ANKRD17: variants seen among roughly 807,000 people sequenced by gnomAD.
ANKRD17 encodes ankyrin repeat domain-containing protein 17.
In ANKRD17, 19 loss-of-function variants were observed where a neutral mutation model predicts 229.7. The ratio of observed to expected loss-of-function variants is 0.08; its 90% CI spans 0.06 to 0.12. The LOEUF (loss-of-function observed/expected upper bound fraction) is 0.12, where lower values mean the gene tolerates loss of function less well. ANKRD17 is among the 10% of genes least tolerant of loss of function. ANKRD17 has a pLI of 1.00. For synonymous variants in ANKRD17, 1,112 were observed against 1,146.1 expected, an observed-to-expected ratio of 0.97 and a Z score of 0.60; for missense variants, 2,176 against 3,176.8, an observed-to-expected ratio of 0.68 and a Z score of 7.57.
At chr4:73,146,905 A>C in intron 9 of ANKRD17, 32 bp from the exon 10 acceptor site, 2 of 1,545,636 alleles carry the variant, frequency 1.3e-6, no homozygotes, top group African/African-American at 2.7e-5. Flanking sequence ...ACATAGACTT[A>C]ATAAAGGAGC....
chr4:73,091,322 T>G lies in ANKRD17; in HGVS notation c.6306A>C (p.Ser2102=), dbSNP rs143923093. 1.2e-6 allele frequency: 2 copies of G among 1,614,076 alleles called. No individual in the cohort carries two copies. The highest frequency in any genetic ancestry group is 2.7e-5 in the African/African-American group (2 of 74,946). The change falls in exon 29 of 34, where the codon TCA becomes TCC. Residue 2102 remains serine, a synonymous_variant. Coordinates refer to ENST00000358602, the MANE Select transcript of ANKRD17 (RefSeq NM_032217.5). ...PPNSSSSSGS[S]SAHSNQQQPP... ...GTTGTTGCTGATTAGAATGAGCTGA[T>G]GAACTCCCAGAAGAACTGCTGCTGT...
At position 73,155,645 on chromosome 4, in the gene ANKRD17, G is replaced by A. The variant is rs1461238642; in HGVS notation, c.986C>T (p.Ala329Val). 1 of 1,614,060 alleles carries A rather than the reference G, an allele frequency of 6.2e-7. No homozygotes were observed. Among genetic ancestry groups the A allele is most frequent in the Non-Finnish European group, 8.5e-7 (1 of 1,179,992 alleles). Reference sequence around the variant, plus strand: ...ATAGGCATGACCTGTTGAAGACTGTGCATTAACATCTGCTTTATGAGCTAG... The same window carrying A: ...ATAGGCATGACCTGTTGAAGACTGTACATTAACATCTGCTTTATGAGCTAG... ...LLLAHKADVN[A>V]QSSTGNTALT... Residue 329 changes from alanine to valine, a missense_variant, in exon 5 of 34, where the codon GCA becomes GTA. By Grantham distance (64) the Ala-to-Val change is moderately conservative (BLOSUM62 0). This residue lies in a region of ANKRD17 where 184 missense variants were observed against 357.8 expected (regional missense o/e 0.51). Transcript: ENST00000358602.
chr4:73,229,969 T>C (rs1742891160), intron 1 of ANKRD17, among the ~76,000 whole-genome samples: 1 of 152,106 alleles, frequency 6.6e-6, no homozygotes, highest in Non-Finnish European at 1.5e-5. Flanking sequence ...ATTAAAAAAA[T>C]CTAATGTACA....
At chr4:73,234,902 G>T (rs1743367386) in intron 1 of ANKRD17, among the ~76,000 whole-genome samples, 1 of 152,110 alleles carries the variant, frequency 6.6e-6, no homozygotes, top group South Asian at 2.1e-4. Context: ...TTACCCAACT[G>T]CCCACTACTA....
chr4:73,141,676 T>C (rs1729626416), intron 14 of ANKRD17, 65 bp downstream of exon 14: 2 of 1,448,832 alleles, frequency 1.4e-6, no homozygotes, highest in East Asian at 4.6e-5. Context: ...GAAATGTCTA[T>C]TTTTTGGTAA....
chr4:73,100,052 C>T (rs1469314041), intron 25 of ANKRD17, among the ~76,000 whole-genome samples: 1 of 152,174 alleles, frequency 6.6e-6, no homozygotes, highest in Non-Finnish European at 1.5e-5. Flanking sequence ...CTCCTCCCTG[C>T]CCCCCAAGGT....
At chr4:73,115,385 G>A (rs557751409) in intron 23 of ANKRD17, among the ~76,000 whole-genome samples, 43 of 152,244 alleles carry the variant, frequency 2.8e-4, no homozygotes, top group Non-Finnish European at 4.3e-4. Flanking sequence ...CCACCTTCCG[G>A]GTTCAAGCGA....
intron 6 of ANKRD17, among the ~76,000 whole-genome samples, chr4:73,152,414 T>G (rs1731116625): frequency 6.6e-6 from 1 of 152,086 alleles, no homozygotes. Context: ...TAGTGCTCAG[T>G]CTCAGCCTGA....
intron 1 of ANKRD17, among the ~76,000 whole-genome samples, chr4:73,196,000 GTTTC>G (rs932405239): frequency 1.4e-4 from 19 of 134,112 alleles, no homozygotes; most frequent in African/African-American, 4.1e-4. Flanking sequence ...GAAGAACCAT[GTTTC>G]TTTTTTTTTT....
intron 1 of ANKRD17, among the ~76,000 whole-genome samples, chr4:73,218,887 C>A (rs1741473417): frequency 6.6e-6 from 1 of 152,020 alleles, no homozygotes; most frequent in Non-Finnish European, 1.5e-5. Context: ...ATAGTGAAAC[C>A]CCGTCTCTAC....
At position 73,212,566 on chromosome 4, in the gene ANKRD17, A is replaced by T. The variant is rs371669923; in HGVS notation, c.394-35033T>A. Among the ~76,000 whole-genome samples, 44 of 152,188 alleles carry T rather than the reference A, an allele frequency of 2.9e-4. 1 individual carries two copies. The highest frequency in any genetic ancestry group is 1.5e-3 in the East Asian group (8 of 5,196). On this transcript the variant is annotated intron_variant, in intron 1 of 33. Transcript: ENST00000358602. ...CTTTATTTCATGGAGAAAACTAAAA[A>T]ATAATAGAACAGAGAAACTGAGAAA...
intron 16 of ANKRD17, among the ~76,000 whole-genome samples, chr4:73,126,520 C>T (rs913115975): frequency 1.3e-5 from 2 of 151,886 alleles, no homozygotes; most frequent in Middle Eastern, 3.2e-3. Context: ...GAACAAAGCC[C>T]CAAAATACTT....
chr4:73,233,160 T>C (rs992968420), intron 1 of ANKRD17, among the ~76,000 whole-genome samples: 1 of 152,202 alleles, frequency 6.6e-6, no homozygotes, highest in Non-Finnish European at 1.5e-5. Flanking sequence ...GTTACATCAT[T>C]AATAGACTTC....
chr4:73,244,662 G>C (rs1019437700), intron 1 of ANKRD17, among the ~76,000 whole-genome samples: 1 of 152,022 alleles, frequency 6.6e-6, no homozygotes, highest in African/African-American at 2.4e-5. Flanking sequence ...CTTCTATCTT[G>C]CCTGATGTGT....
chr4:73,246,590 T>C (rs533338375), intron 1 of ANKRD17, among the ~76,000 whole-genome samples: 6 of 152,200 alleles, frequency 3.9e-5, no homozygotes, highest in Admixed American at 2.0e-4. Flanking sequence ...GTAAACCTGA[T>C]AGTCACTGGT....
chr4:73,144,396 T>A (rs1284615266), intron 11 of ANKRD17, among the ~76,000 whole-genome samples: 1 of 152,224 alleles, frequency 6.6e-6, no homozygotes, highest in East Asian at 1.9e-4. Context: ...TGCCACAAAC[T>A]TTTTTAGTGG....
In ANKRD17 at chr4:73,091,298, T is replaced by C. The variant is rs767775919; in HGVS notation, c.6330A>G (p.Gln2110=). 8.1e-6 allele frequency: 13 copies of C among 1,613,898 alleles called. No individual in the cohort carries two copies. The highest frequency in any genetic ancestry group is 1.6e-4 in the Middle Eastern group (1 of 6,062). Reference sequence around the variant, plus strand: ...GTTCCTGAGAAACAGATCCCGGAGGTTGTTGCTGATTAGAATGAGCTGATG... The same window carrying C: ...GTTCCTGAGAAACAGATCCCGGAGGCTGTTGCTGATTAGAATGAGCTGATG... The part of the protein sequence containing the change: ...GSSSAHSNQQ[Q]PPGSVSQEPR... Residue 2110 remains glutamine (Q), a synonymous_variant, in exon 29 of 34, where the codon CAA becomes CAG. Transcript: ENST00000358602.
Position 73,142,640 on chromosome 4 carries a change from T to C in ANKRD17, c.2085A>G (p.Lys695=), listed in dbSNP as rs1560586231. 1 of 1,613,906 alleles carries C rather than the reference T, an allele frequency of 6.2e-7. No homozygotes were observed. Among genetic ancestry groups the C allele is most frequent in the Middle Eastern group, 1.6e-4 (1 of 6,062 alleles). ...AHGADPTHRL[K]DGSTMLIEAA... is the part of the protein sequence containing the mutation. ...CTGCACAAACATTTGAGTTACATAC[T>C]TTCAAACGGTGAGTAGGATCTGCCC... Residue 695 remains lysine, a splice_region_variant and synonymous_variant, in exon 12 of 34, where the codon AAA becomes AAG. Transcript: ENST00000358602.
chr4:73,207,302 A>T (rs1196711239), intron 1 of ANKRD17, among the ~76,000 whole-genome samples: 2 of 152,242 alleles, frequency 1.3e-5, no homozygotes, highest in African/African-American at 2.4e-5. Context: ...CAGATTAAAG[A>T]TATATGAAAA....
Sources: allele counts gnomAD v4.1 joint callset (sites outside exome capture counted in the v4.1 genomes callset), GRCh38; gene constraint gnomAD v4.1.1; regional missense constraint gnomAD v4.1.1; transcripts MANE v1.5; gene names NCBI Gene and HGNC (gene_info 2026-07-23, HGNC 2026-07-21).